The following LIMK2 variants were observed in gnomAD, a reference collection of about 807,000 sequenced individuals.
LIMK2 encodes LIM domain kinase 2.
A neutral mutation model predicts 75.7 loss-of-function variants in LIMK2; 35 were observed. The ratio of observed to expected loss-of-function variants is 0.46; its 90% CI spans 0.35 to 0.61. LIMK2 has a LOEUF of 0.61. Among genes scored for constraint, LIMK2 ranks in the 20% least tolerant of loss-of-function variants. The pLI, the probability that LIMK2 is intolerant of heterozygous loss-of-function variation, is 0.00. For missense variants in LIMK2, 623 were observed against 831.0 expected (o/e 0.75, Z 3.08); for synonymous variants, 301 against 319.2 (o/e 0.94, Z 0.61).
At chr22:31,226,599 A>ATATTATTATTATTATTATTATTAT (rs775194123) in intron 2 of LIMK2, among the ~76,000 whole-genome samples, 90 of 142,422 alleles carry the variant, frequency 6.3e-4, no homozygotes, top group South Asian at 1.9e-3. Flanking sequence ...TATTATAGCT[A>ATATTATTATTATTATTATTATTAT]CATTATTATT....
Position 31,272,619 on chromosome 22 carries a change from G to T in LIMK2, c.1473G>T (p.Lys491Asn). Reference protein sequence around the residue: ...KRAPMEKATTKKRTLRKNDRK... With the variant: ...KRAPMEKATTNKRTLRKNDRK... ...CCCCCATGGAGAAGGCCACCACCAA[G>T]AAACGCACCTTGCGCAAGAACGACC... The change falls in exon 13 of 16, where the codon AAG becomes AAT. Residue 491 changes from lysine to asparagine, a missense_variant. By Grantham distance (94) the Lys-to-Asn change is moderately conservative (BLOSUM62 0). Coordinates refer to ENST00000331728, the MANE Select transcript of LIMK2 (RefSeq NM_005569.4). 1 of 1,614,074 alleles carries T rather than the reference G, an allele frequency of 6.2e-7. No homozygotes were observed. Among genetic ancestry groups the T allele is most frequent in the Non-Finnish European group, 8.5e-7 (1 of 1,179,992 alleles).
At chr22:31,253,448 G>T (rs1180250453) in intron 2 of LIMK2, among the ~76,000 whole-genome samples, 1 of 152,230 alleles carries the variant, frequency 6.6e-6, no homozygotes, top group African/African-American at 2.4e-5. Flanking sequence ...GACTGCTGGG[G>T]AATTGAACAC....
At chr22:31,225,399 C>G (rs1290203450) in intron 1 of LIMK2, among the ~76,000 whole-genome samples, 1 of 152,162 alleles carries the variant, frequency 6.6e-6, no homozygotes, top group Non-Finnish European at 1.5e-5. Context: ...TTCTTCTTCT[C>G]AGAGCTATAA....
chr22:31,245,182 A>T (rs1404019151), intron 2 of LIMK2, among the ~76,000 whole-genome samples: 1 of 152,166 alleles, frequency 6.6e-6, no homozygotes, highest in Non-Finnish European at 1.5e-5. Context: ...CTGCACAAAC[A>T]CCAAGAGCTG....
At chr22:31,274,590 A>G (rs186091789) in intron 14 of LIMK2, among the ~76,000 whole-genome samples, 1 of 152,192 alleles carries the variant, frequency 6.6e-6, no homozygotes, top group Admixed American at 6.5e-5. Context: ...CAGTAGAGAC[A>G]GGGTTTCGCC....
intron 3 of LIMK2, 74 bp downstream of exon 3, chr22:31,258,500 C>G (rs761194446): frequency 6.7e-7 from 1 of 1,493,240 alleles, no homozygotes; most frequent in East Asian, 2.3e-5. Flanking sequence ...TCCCTGTGGC[C>G]TGTTAATCTT....
Position 31,278,308 on chromosome 22 carries a change from C to A in LIMK2, c.1784C>A (p.Ser595Ter). ...TCTTTTCCTTCTAGACCAGCATTCT[C>A]GAAATTGGAGGACTCCTTTGAGGCC... is the stretch of plus-strand genomic sequence containing the variant. The part of the protein sequence containing the change: ...RLEPESRPAF[S>*]KLEDSFEALS... Residue 595 changes from serine (S) to a stop codon, truncating the protein, a stop_gained, in exon 16 of 16, where the codon TCG (serine) becomes TAG (stop). Coordinates refer to ENST00000331728, the MANE Select transcript of LIMK2 (RefSeq NM_005569.4). LOFTEE classifies it high-confidence loss of function. The A allele has an allele frequency of 6.2e-7, 1 of 1,612,268 alleles. No individual in the cohort carries two copies. The highest frequency in any genetic ancestry group is 8.5e-7 in the Non-Finnish European group (1 of 1,179,190).
chr22:31,261,373 C>T lies in LIMK2; in HGVS notation c.552-761C>T, dbSNP rs571736289. Among the ~76,000 whole-genome samples, 9 of 152,180 alleles carry T rather than the reference C, an allele frequency of 5.9e-5. No homozygotes were observed. In the East Asian group the frequency reaches 1.7e-3, roughly 29 times the overall value. On this transcript the variant is annotated intron_variant, in intron 5 of 15. Coordinates refer to ENST00000331728, the MANE Select transcript of LIMK2 (RefSeq NM_005569.4). ...CCATCCTGGCTAACACAATGAAACC[C>T]CGTCTCTACTAAAAGTACAAAAATT...
intron 2 of LIMK2, among the ~76,000 whole-genome samples, chr22:31,246,968 G>A (rs980636427): frequency 6.6e-6 from 1 of 152,120 alleles, no homozygotes; most frequent in Non-Finnish European, 1.5e-5. Context: ...TCAATAAATG[G>A]TAGCTTCTTA....
intron 12 of LIMK2, 32 bp from the exon 13 acceptor site, chr22:31,272,498 A>C (rs1334180415): frequency 1.9e-6 from 3 of 1,573,916 alleles, no homozygotes; most frequent in Non-Finnish European, 2.6e-6. Context: ...GAACATCCCC[A>C]TGAAGTCCTG....
At chr22:31,215,775 C>T (rs2048384422) in intron 1 of LIMK2, among the ~76,000 whole-genome samples, 1 of 152,114 alleles carries the variant, frequency 6.6e-6, no homozygotes, top group Admixed American at 6.5e-5. Context: ...CACCGCACTC[C>T]AGCCTGGGCT....
intron 13 of LIMK2, 118 bp from the exon 14 acceptor site, chr22:31,273,334 G>A: frequency 1.1e-6 from 1 of 872,680 alleles, no homozygotes; most frequent in Non-Finnish European, 1.9e-6. Flanking sequence ...CCTGTGGGGT[G>A]TCCCTACAGA....
At chr22:31,222,105 C>T (rs2048439023) in intron 1 of LIMK2, among the ~76,000 whole-genome samples, 2 of 151,956 alleles carry the variant, frequency 1.3e-5, no homozygotes, top group Non-Finnish European at 2.9e-5. Flanking sequence ...TGGAGTTTCA[C>T]TCTTGCCCAG....
rs779380484 is a variant in LIMK2, at chr22:31,278,469, GTTC to G, written c.*30_*32del. 1 of 1,573,514 alleles carries G rather than the reference GTTC, an allele frequency of 6.4e-7. No homozygotes were observed. The highest frequency in any genetic ancestry group is 8.6e-7 in the Non-Finnish European group (1 of 1,160,944). ...CTGGCCCAGCCCCCTGCAGGGGGGT[GTTC>G]TACAGCCAGCATTGCCCCTCTGTGC... is the stretch of plus-strand genomic sequence containing the variant. On this transcript the variant is annotated 3_prime_UTR_variant, in exon 16 of 16. Coordinates refer to ENST00000331728, the MANE Select transcript of LIMK2 (RefSeq NM_005569.4).
chr22:31,268,080 T>C, intron 10 of LIMK2, 64 bp from the exon 11 acceptor site: 1 of 1,554,972 alleles, frequency 6.4e-7, no homozygotes, highest in Non-Finnish European at 8.9e-7. Context: ...CATTGACCCA[T>C]GGGGCCTGGA....
At chr22:31,238,023 G>A (rs2048594030) in intron 2 of LIMK2, among the ~76,000 whole-genome samples, 1 of 149,900 alleles carries the variant, frequency 6.7e-6, no homozygotes, top group Non-Finnish European at 1.5e-5. Flanking sequence ...GCCGAGGCAG[G>A]AGAATTGCTT....
intron 2 of LIMK2, among the ~76,000 whole-genome samples, chr22:31,246,183 G>GCA (rs57524309): frequency 0.03 from 4,109 of 135,024 alleles, 87 homozygotes; most frequent in African/African-American, 0.061. Flanking sequence ...ACGCACGCAC[G>GCA]CACACACACA....
intron 15 of LIMK2, 75 bp downstream of exon 15, chr22:31,275,383 C>T: frequency 6.8e-7 from 1 of 1,463,270 alleles, no homozygotes; most frequent in South Asian, 1.2e-5. Flanking sequence ...ACCCCTGAGC[C>T]CTCTGCAAGC....
In LIMK2 at chr22:31,275,206, G is replaced by A. The variant is rs750237299; in HGVS notation, c.1670G>A (p.Gly557Asp). The A allele has an allele frequency of 1.2e-6, 2 of 1,614,074 alleles. No individual in the cohort carries two copies. Among genetic ancestry groups the A allele is most frequent in the South Asian group, 1.1e-5 (1 of 91,088 alleles). ...PDCLPRTLDF[G>D]LNVKLFWEKF... ...TGCCTTCCCCGAACACTGGACTTTG[G>A]CCTCAACGTGAAGCTTTTCTGGGAG... Residue 557 changes from glycine to aspartate, a missense_variant, in exon 15 of 16, where the codon GGC becomes GAC. Coordinates refer to ENST00000331728, the MANE Select transcript of LIMK2 (RefSeq NM_005569.4).
Sources: allele counts gnomAD v4.1 joint callset (sites outside exome capture counted in the v4.1 genomes callset), GRCh38; gene constraint gnomAD v4.1.1; transcripts MANE v1.5; gene names NCBI Gene and HGNC (gene_info 2026-07-23, HGNC 2026-07-21).